SLC17A3: variants seen among roughly 807,000 people sequenced by gnomAD.
SLC17A3 encodes sodium-dependent phosphate transport protein 4.
Under a neutral mutation model 60.3 loss-of-function variants are expected in SLC17A3, and 61 were observed. The observed-to-expected ratio is 1.01, with a 90% CI of 0.82 to 1.25. SLC17A3 has a LOEUF of 1.25. Ranked by LOEUF, SLC17A3 falls within the 50% of genes most tolerant of loss-of-function variation. The pLI, the probability that SLC17A3 is intolerant of heterozygous loss-of-function variation, is 0.00. For synonymous variants in SLC17A3, 192 were observed against 208.9 expected, an observed-to-expected ratio of 0.92 and a Z score of 0.70; for missense variants, 624 against 594.9, an observed-to-expected ratio of 1.05 and a Z score of -0.51.
At chr6:25,861,383 G>A (rs1322341388) in intron 5 of SLC17A3, among the ~76,000 whole-genome samples, 1 of 151,928 alleles carries the variant, frequency 6.6e-6, no homozygotes, top group Non-Finnish European at 1.5e-5. Context: ...TGATCAATTT[G>A]AACACATAAA....
At position 25,862,223 on chromosome 6, in the gene SLC17A3, T is replaced by C; in HGVS notation, c.303+10A>G. The C allele has an allele frequency of 6.2e-7, 1 of 1,604,406 alleles. No homozygotes were observed. Among genetic ancestry groups the C allele is most frequent in the Non-Finnish European group, 8.5e-7 (1 of 1,171,380 alleles). ...AAGAAAAGCACAAATTTATATCTTA[T>C]GTTGCTTACCTTTGCAGGAAGACTC... is the stretch of plus-strand genomic sequence containing the variant. On this transcript the variant is annotated intron_variant, in intron 3 of 12. Coordinates refer to ENST00000397060, the MANE Select transcript of SLC17A3 (RefSeq NM_001098486.2).
rs763430805 is a variant in SLC17A3, at chr6:25,850,573, A to C, written c.879T>G (p.Ser293=). 38 of 1,613,932 alleles carry C rather than the reference A, an allele frequency of 2.4e-5. No individual in the cohort carries two copies. Among genetic ancestry groups the C allele is most frequent in the Non-Finnish European group, 1.7e-6 (2 of 1,179,926 alleles). The part of the protein sequence containing the change: ...QPLPIKAMLR[S]LPIWSICLGC... The stretch of plus-strand genomic sequence containing the variant: ...CTAAACATATGGACCAAATGGGTAG[A>C]GATCTGAGCATAGCTTTGATGGGAA... Residue 293 remains serine, a synonymous_variant, in exon 8 of 13, where the codon TCT becomes TCG. Coordinates refer to ENST00000397060, the MANE Select transcript of SLC17A3 (RefSeq NM_001098486.2).
At chr6:25,846,300 G>A (rs1362311464) in intron 11 of SLC17A3, among the ~76,000 whole-genome samples, 1 of 152,122 alleles carries the variant, frequency 6.6e-6, no homozygotes, top group African/African-American at 2.4e-5. Context: ...GTTCATAGCA[G>A]CCTTATTGAT....
chr6:25,845,223 C>T lies in SLC17A3; in HGVS notation c.*78G>A, dbSNP rs927115708. Reference sequence around the variant, plus strand: ...CCACAGGAAAAAAAAAATCTTTTCACTGGTATTTTCATCACGGAAGCCTTC... The same window carrying T: ...CCACAGGAAAAAAAAAATCTTTTCATTGGTATTTTCATCACGGAAGCCTTC... On this transcript the variant is annotated 3_prime_UTR_variant, in exon 13 of 13. Coordinates refer to ENST00000397060, the MANE Select transcript of SLC17A3 (RefSeq NM_001098486.2). The T allele has an allele frequency of 5.3e-6, 4 of 750,888 alleles. No individual in the cohort carries two copies. The highest frequency in any genetic ancestry group is 8.6e-6 in the Non-Finnish European group (4 of 465,386). 46.5% of individuals were successfully genotyped at this position (750,888 alleles called of 1,614,324 possible). A position where few individuals can be genotyped will look rare whatever the true frequency, so the allele number is the denominator to read the frequency against.
chr6:25,868,046 G>A (rs932257705), intron 2 of SLC17A3, among the ~76,000 whole-genome samples: 4 of 151,808 alleles, frequency 2.6e-5, no homozygotes, highest in African/African-American at 9.7e-5. Flanking sequence ...AATACTATGT[G>A]TAGACAATTC....
chr6:25,849,089 C>T (rs748722971), intron 11 of SLC17A3, among the ~76,000 whole-genome samples: 2 of 152,184 alleles, frequency 1.3e-5, no homozygotes, highest in Non-Finnish European at 2.9e-5. Flanking sequence ...TTGCCCAAAA[C>T]ATAGCAGGTT....
chr6:25,864,907 G>C (rs908241859), intron 2 of SLC17A3, among the ~76,000 whole-genome samples: 3 of 151,932 alleles, frequency 2.0e-5, no homozygotes, highest in African/African-American at 7.2e-5. Context: ...ATAGATGGGG[G>C]AGGAACAAAC....
intron 1 of SLC17A3, among the ~76,000 whole-genome samples, chr6:25,870,931 C>A (rs982692031): frequency 2.0e-5 from 3 of 152,036 alleles, no homozygotes; most frequent in Non-Finnish European, 2.9e-5. Context: ...TGTCTCTTAA[C>A]AATTGGGTCT....
rs755352553 is a variant in SLC17A3 at position 25,868,305 on chromosome 6, G to A, written c.83C>T (p.Pro28Leu). ...QDMQVDETLI[P>L]RKVPSLCSAR... ...GTTGAGGTCAAATTTACCTTTCCTG[G>A]GGATCAGTGTCTCATCCACTTGCAT... is the stretch of plus-strand genomic sequence containing the variant. Residue 28 changes from proline (P) to leucine (L), a missense_variant, in exon 2 of 13, where the codon CCC (proline) becomes CTC (leucine). Transcript: ENST00000397060. 6.2e-6 allele frequency: 10 copies of A among 1,611,010 alleles called. No individual in the cohort carries two copies. The highest frequency in any genetic ancestry group is 7.6e-6 in the Non-Finnish European group (9 of 1,178,154).
intron 5 of SLC17A3, among the ~76,000 whole-genome samples, chr6:25,859,057 C>T (rs1237143010): frequency 6.6e-6 from 1 of 151,916 alleles, no homozygotes; most frequent in Non-Finnish European, 1.5e-5. Context: ...ATAAATTCAC[C>T]TTATAAGACA....
chr6:25,862,133 C>T (rs1490140898), intron 3 of SLC17A3, 100 bp downstream of exon 3: 1 of 1,404,468 alleles, frequency 7.1e-7, no homozygotes, highest in Non-Finnish European at 9.9e-7. Flanking sequence ...TCACTATTTT[C>T]TCCATTAAAG....
At chr6:25,853,406 GTTTTTTTTT>G (rs70977233) in intron 6 of SLC17A3, among the ~76,000 whole-genome samples, 3 of 58,726 alleles carry the variant, frequency 5.1e-5, no homozygotes, top group Admixed American at 4.8e-4. Flanking sequence ...ATTTCTGCAT[GTTTTTTTTT>G]TTTTTTTTTT....
chr6:25,848,491 T>C (rs1389612851), intron 11 of SLC17A3, among the ~76,000 whole-genome samples: 1 of 152,120 alleles, frequency 6.6e-6, no homozygotes, highest in Non-Finnish European at 1.5e-5. Flanking sequence ...TTTGGACATT[T>C]AGTAGGGAAA....
At chr6:25,861,591 T>G (rs765323828) in intron 5 of SLC17A3, 33 bp downstream of exon 5, 73 of 1,560,110 alleles carry the variant, frequency 4.7e-5, no homozygotes, top group Non-Finnish European at 5.7e-5. Context: ...AATGTTGGAT[T>G]GTAGTGTACC....
chr6:25,851,241 ATTT>A (rs35205418), intron 6 of SLC17A3, among the ~76,000 whole-genome samples: 2 of 139,634 alleles, frequency 1.4e-5, no homozygotes, highest in African/African-American at 2.6e-5. Flanking sequence ...TCTTTGCCCA[ATTT>A]TTTTTTTTTT....
intron 8 of SLC17A3, 80 bp downstream of exon 8, chr6:25,850,379 T>A: frequency 1.4e-6 from 2 of 1,471,272 alleles, no homozygotes; most frequent in Non-Finnish European, 1.9e-6. Context: ...AATACATTTC[T>A]CAGATGGAAT....
chr6:25,860,301 G>GAT (rs2307830), intron 5 of SLC17A3, among the ~76,000 whole-genome samples: 36,853 of 151,930 alleles, frequency 0.24, 4,633 homozygotes, highest in African/African-American at 0.29. Context: ...TCCCTTAGAA[G>GAT]ACAGTACACC....
intron 8 of SLC17A3, 138 bp downstream of exon 8, chr6:25,850,321 A>G: frequency 7.7e-7 from 1 of 1,306,378 alleles, no homozygotes; most frequent in Non-Finnish European, 1.1e-6. Context: ...TACCCCAGAA[A>G]AGCTACTGGC....
At chr6:25,872,857 A>G (rs990607771) in intron 1 of SLC17A3, among the ~76,000 whole-genome samples, 2 of 151,920 alleles carry the variant, frequency 1.3e-5, no homozygotes, top group Non-Finnish European at 2.9e-5. Context: ...TTTTGAAAAT[A>G]TTAATACTTT....
Sources: gnomAD v4.1 joint callset for allele counts (sites outside exome capture counted in the v4.1 genomes callset) on GRCh38, gnomAD v4.1.1 for gene constraint, MANE v1.5 for transcripts, NCBI Gene and HGNC (gene_info 2026-07-23, HGNC 2026-07-21) for gene names.